NUDT3: variants seen among roughly 807,000 people sequenced by gnomAD.
NUDT3 encodes the protein nudix hydrolase 3.
In NUDT3, 9 loss-of-function variants were observed where a neutral mutation model predicts 23.6. That is an observed-to-expected ratio of 0.38 (90% CI 0.23 to 0.66). The LOEUF (loss-of-function observed/expected upper bound fraction) is 0.66, where lower values mean the gene tolerates loss of function less well. Among genes scored for constraint, NUDT3 ranks in the 30% least tolerant of loss-of-function variants. NUDT3 has a pLI of 0.52. For synonymous variants in NUDT3, 86 were observed against 82.6 expected (o/e 1.04, Z -0.22); for missense variants, 172 against 218.5 (o/e 0.79, Z 1.34).
In NUDT3 at chr6:34,291,387, C is replaced by A. The variant is rs149076657; in HGVS notation, c.340+2064G>T. Among the ~76,000 whole-genome samples the A allele has an allele frequency of 8.4e-3, 1,275 of 152,192 alleles. 11 individuals are homozygous for A. Among genetic ancestry groups the A allele is most frequent in the African/African-American group, 0.024 (994 of 41,532 alleles). On this transcript the variant is annotated intron_variant, in intron 4 of 4. Transcript: ENST00000607016. The stretch of plus-strand genomic sequence containing the variant: ...AGAGCTTCTGAACTTTCAAGGGCTC[C>A]TGATTTATACTGCAAAAGTGCTTTA...
chr6:34,284,523 GGCTAA>G lies in NUDT3; in HGVS notation c.*4225_*4229del, dbSNP rs1179946255. 2 of 148,374 alleles carry G rather than the reference GGCTAA, an allele frequency of 1.3e-5. No homozygotes were observed. Among genetic ancestry groups the G allele is most frequent in the African/African-American group, 4.9e-5 (2 of 40,476 alleles). The allele number at this position is 148,374 out of a possible 1,614,324, so 9.2% of individuals were successfully genotyped here. On this transcript the variant is annotated 3_prime_UTR_variant, in exon 5 of 5. Coordinates refer to ENST00000607016, the MANE Select transcript of NUDT3 (RefSeq NM_006703.4). ...AACTAAAAAAAGTGAATGTGGCTTA[GGCTAA>G]GCTGTTTTTTTTTTTTTTTTTTTAA...
At chr6:34,383,673 A>G (rs542463954) in intron 1 of NUDT3, among the ~76,000 whole-genome samples, 179 of 152,346 alleles carry the variant, frequency 1.2e-3, no homozygotes, top group African/African-American at 4.2e-3. Flanking sequence ...GACACAGCAC[A>G]CAGTAGATGT....
At chr6:34,299,916 A>ATT (rs146466723) in intron 2 of NUDT3, among the ~76,000 whole-genome samples, 2 of 134,042 alleles carry the variant, frequency 1.5e-5, no homozygotes, top group African/African-American at 5.3e-5. Flanking sequence ...AAAAAAAAAT[A>ATT]TTTTTTTTAT....
At chr6:34,343,264 C>A (rs1561912669) in intron 1 of NUDT3, among the ~76,000 whole-genome samples, 1 of 151,298 alleles carries the variant, frequency 6.6e-6, no homozygotes, top group East Asian at 1.9e-4. Context: ...AAAGATACTA[C>A]AAGAGCCAGG....
Position 34,392,314 on chromosome 6 carries a change from AGCCGTC to A in NUDT3, c.43_48del (p.Asp15_Gly16del), listed in dbSNP as rs775410213. 1 of 1,606,270 alleles carries A rather than the reference AGCCGTC, an allele frequency of 6.2e-7. No homozygotes were observed. Among genetic ancestry groups the A allele is most frequent in the East Asian group, 2.3e-5 (1 of 44,116 alleles). On this transcript the variant is annotated inframe_deletion, in exon 1 of 5. Coordinates refer to ENST00000607016, the MANE Select transcript of NUDT3 (RefSeq NM_006703.4). ...CACAGGCATGCGGCCCGCTTCTTGTAGCCGTCGCCGTCGTAGGTGCGGGTCTGGTTC... is the reference window on the plus strand; with the variant it reads ...CACAGGCATGCGGCCCGCTTCTTGTAGCCGTCGTAGGTGCGGGTCTGGTTC...
At chr6:34,322,971 CCATTATCCTAAG>C (rs2113719122) in intron 2 of NUDT3, among the ~76,000 whole-genome samples, 1 of 152,202 alleles carries the variant, frequency 6.6e-6, no homozygotes, top group South Asian at 2.1e-4. Flanking sequence ...CAGCTGGAGC[CCATTATCCTAAG>C]CAAATTAACA....
At chr6:34,346,871 T>A (rs1483030914) in intron 1 of NUDT3, among the ~76,000 whole-genome samples, 2 of 152,240 alleles carry the variant, frequency 1.3e-5, no homozygotes, top group African/African-American at 4.8e-5. Context: ...TCCTCCAGCT[T>A]CAGCCTCCCG....
At chr6:34,381,446 T>C (rs1765016263) in intron 1 of NUDT3, among the ~76,000 whole-genome samples, 1 of 151,130 alleles carries the variant, frequency 6.6e-6, no homozygotes, top group African/African-American at 2.4e-5. Context: ...AATAATTCCC[T>C]CTTGAAAAAA....
At chr6:34,348,786 T>C (rs556300203) in intron 1 of NUDT3, among the ~76,000 whole-genome samples, 51 of 147,592 alleles carry the variant, frequency 3.5e-4, no homozygotes, top group East Asian at 2.6e-3. Flanking sequence ...AAAAAAAAAA[T>C]AGAAAGAAAC....
chr6:34,294,006 G>T (rs1342342381), intron 3 of NUDT3, among the ~76,000 whole-genome samples: 2 of 151,872 alleles, frequency 1.3e-5, no homozygotes, highest in Non-Finnish European at 2.9e-5. Flanking sequence ...CTTATTTTTT[G>T]AGAGAGAGCC....
intron 3 of NUDT3, 40 bp from the exon 4 acceptor site, chr6:34,293,575 TAGAA>T: frequency 6.2e-7 from 1 of 1,612,016 alleles, no homozygotes; most frequent in African/African-American, 1.3e-5. Flanking sequence ...AGTTTTTCCT[TAGAA>T]AGCTGGAATT....
chr6:34,387,759 T>A (rs1169155797), intron 1 of NUDT3, among the ~76,000 whole-genome samples: 1 of 23,438 alleles, frequency 4.3e-5, no homozygotes, highest in East Asian at 7.5e-4. Flanking sequence ...CAATGTGTTT[T>A]AAGCTAAGTA....
chr6:34,328,226 G>A (rs116311195), intron 2 of NUDT3, among the ~76,000 whole-genome samples: 1,929 of 152,244 alleles, frequency 0.013, 41 homozygotes, highest in African/African-American at 0.044. Context: ...TGAAACATCA[G>A]AGGATCTGAT....
At chr6:34,347,075 AT>A (rs898733016) in intron 1 of NUDT3, among the ~76,000 whole-genome samples, 3 of 152,128 alleles carry the variant, frequency 2.0e-5, no homozygotes, top group African/African-American at 7.2e-5. Context: ...ACCCACAAAA[AT>A]TTTTTACTTT....
chr6:34,325,222 G>T lies in NUDT3; in HGVS notation c.210+16640C>A, dbSNP rs184222215. Among the ~76,000 whole-genome samples the T allele has an allele frequency of 3.0e-4, 45 of 150,836 alleles. No individual in the cohort carries two copies. In the Middle Eastern group the frequency reaches 0.01, roughly 34 times the overall value. On this transcript the variant is annotated intron_variant, in intron 2 of 4. Coordinates refer to ENST00000607016, the MANE Select transcript of NUDT3 (RefSeq NM_006703.4). Reference sequence around the variant, plus strand: ...GCTTTCACTGATTACTTTATATAATGAATTTTTTTTTCTTTTTTCTTTTTT... The same window carrying T: ...GCTTTCACTGATTACTTTATATAATTAATTTTTTTTTCTTTTTTCTTTTTT...
chr6:34,355,996 T>C (rs1764555142), intron 1 of NUDT3, among the ~76,000 whole-genome samples: 1 of 152,006 alleles, frequency 6.6e-6, no homozygotes, highest in South Asian at 2.1e-4. Context: ...AGACCCTGTT[T>C]AGGAGTAGAA....
chr6:34,308,542 C>T (rs557656896), intron 2 of NUDT3, among the ~76,000 whole-genome samples: 1 of 150,844 alleles, frequency 6.6e-6, no homozygotes, highest in African/African-American at 2.4e-5. Context: ...ATGTTGTCTA[C>T]AAGAAAACCA....
intron 2 of NUDT3, among the ~76,000 whole-genome samples, chr6:34,329,398 A>G (rs1464974286): frequency 6.6e-6 from 1 of 152,132 alleles, no homozygotes; most frequent in Non-Finnish European, 1.5e-5. Flanking sequence ...CTCCTGCCTC[A>G]GCCTCCCGAG....
In NUDT3 at chr6:34,331,400, TG is replaced by T. The variant is rs145693375; in HGVS notation, c.210+10461del. ...AAGGTTAATTAAGTAAAACATGCTG[TG>T]GAATTTTTATTTTATGTATGACACT... is the stretch of plus-strand genomic sequence containing the variant. On this transcript the variant is annotated intron_variant, in intron 2 of 4. Transcript: ENST00000607016. 6.2e-3 allele frequency among the ~76,000 whole-genome samples: 947 copies of T among 152,256 alleles called. 11 individuals carry two copies. The highest frequency in any genetic ancestry group is 0.022 in the African/African-American group (895 of 41,528).
Sources: allele counts gnomAD v4.1 joint callset (sites outside exome capture counted in the v4.1 genomes callset), GRCh38; gene constraint gnomAD v4.1.1; transcripts MANE v1.5; gene names NCBI Gene and HGNC (gene_info 2026-07-23, HGNC 2026-07-21).